The following PEAK1 variants were observed in gnomAD, a reference collection of about 807,000 sequenced individuals.
PEAK1 encodes the protein pseudopodium enriched atypical kinase 1.
In PEAK1, 54 loss-of-function variants were observed where a neutral mutation model predicts 124.7. The ratio of observed to expected loss-of-function variants is 0.43; its 90% CI spans 0.35 to 0.54. The LOEUF is 0.54. Ranked by LOEUF, PEAK1 falls within the 20% of genes least tolerant of loss-of-function variation. The probability of loss-of-function intolerance (pLI) is 0.01; values close to 1 mark genes in which losing one functional copy is unlikely to be tolerated. For synonymous variants in PEAK1, 719 were observed against 760.0 expected, an observed-to-expected ratio of 0.95 and a Z score of 0.89; for missense variants, 2,046 against 2,134.5, an observed-to-expected ratio of 0.96 and a Z score of 0.82.
chr15:77,304,111 T>C (rs2063935649), intron 2 of PEAK1, among the ~76,000 whole-genome samples: 1 of 152,234 alleles, frequency 6.6e-6, no homozygotes, highest in Non-Finnish European at 1.5e-5. Flanking sequence ...AGCCAGGTAG[T>C]GTGAGTACTA....
At position 77,158,503 on chromosome 15, in the gene PEAK1, C is replaced by T; in HGVS notation, c.3331G>A (p.Gly1111Arg). The T allele has an allele frequency of 1.2e-6, 2 of 1,613,302 alleles. No individual in the cohort carries two copies. The highest frequency in any genetic ancestry group is 1.7e-6 in the Non-Finnish European group (2 of 1,179,312). Residue 1111 changes from glycine (G) to arginine (R), a missense_variant and splice_region_variant, in exon 8 of 10, where the codon GGG becomes AGG. By Grantham distance (125) the Gly-to-Arg change is moderately radical. Transcript: ENST00000682557. Reference sequence around the variant, plus strand: ...CTACTTATTGGACATTTGCACTTACCTAAGTTGCTGTATGTTGCACTACAA... The same window carrying T: ...CTACTTATTGGACATTTGCACTTACTTAAGTTGCTGTATGTTGCACTACAA... Reference protein sequence around the residue: ...NPCSATYSNLGQSRAAMIPPK... With the variant: ...NPCSATYSNLRQSRAAMIPPK...
chr15:77,321,994 T>G (rs1381882738), intron 2 of PEAK1, among the ~76,000 whole-genome samples: 1 of 152,186 alleles, frequency 6.6e-6, no homozygotes, highest in Non-Finnish European at 1.5e-5. Context: ...ACCGCTCGAC[T>G]ACATGGAAAC....
chr15:77,171,195 T>C (rs997442677), intron 7 of PEAK1, among the ~76,000 whole-genome samples: 3 of 152,354 alleles, frequency 2.0e-5, no homozygotes, highest in African/African-American at 7.2e-5. Flanking sequence ...ATTTACAGCC[T>C]GTCTCAGCAC....
At chr15:77,201,195 C>A (rs2152845460) in intron 6 of PEAK1, among the ~76,000 whole-genome samples, 1 of 151,060 alleles carries the variant, frequency 6.6e-6, no homozygotes, top group South Asian at 2.1e-4. Flanking sequence ...ATATATCAAC[C>A]CTTAGTTTTA....
chr15:77,227,455 T>C (rs1477224881), intron 6 of PEAK1, among the ~76,000 whole-genome samples: 1 of 152,136 alleles, frequency 6.6e-6, no homozygotes, highest in African/African-American at 2.4e-5. Flanking sequence ...AGAGCAATAT[T>C]GCTCTAATAT....
chr15:77,204,963 A>G, intron 6 of PEAK1: 1 of 188,760 alleles, frequency 5.3e-6, no homozygotes, highest in Non-Finnish European at 1.1e-5. Context: ...AAAAGGGAAA[A>G]GGGGAACAAA....
intron 6 of PEAK1, chr15:77,205,190 T>G (rs1255102841): frequency 3.7e-6 from 1 of 270,304 alleles, no homozygotes; most frequent in Non-Finnish European, 6.9e-6. Context: ...TAAGTGCAAG[T>G]TTTTTTAGTA....
intron 8 of PEAK1, among the ~76,000 whole-genome samples, chr15:77,141,397 A>G (rs2053772826): frequency 6.6e-6 from 1 of 152,166 alleles, no homozygotes; most frequent in Non-Finnish European, 1.5e-5. Context: ...CTAAAAAGCA[A>G]ATGGAAAGAT....
At position 77,257,669 on chromosome 15, in the gene PEAK1, T is replaced by C. The variant is rs1381035919; in HGVS notation, c.-274-5143A>G. On this transcript the variant is annotated intron_variant, in intron 5 of 9. Transcript: ENST00000682557. ...TAGGTTGCAAAAATTCTCTCCCATT[T>C]TGTAGGTTGCCTGTTCACTCTGATG... Among the ~76,000 whole-genome samples, 16 of 151,800 alleles carry C rather than the reference T, an allele frequency of 1.1e-4. No individual in the cohort carries two copies. The South Asian group carries it at 3.1e-3, about 30-fold the overall frequency.
rs1391826945 is a variant in PEAK1 at position 77,181,354 on chromosome 15, C to T, written c.573G>A (p.Lys191=). The T allele has an allele frequency of 6.2e-7, 1 of 1,614,028 alleles. No individual in the cohort carries two copies. Among genetic ancestry groups the T allele is most frequent in the African/African-American group, 1.3e-5 (1 of 74,926 alleles). ...NDCYKRSLER[K]LPPSCMIGGI... is the part of the protein sequence containing the mutation. ...CACCTATCATGCAACTTGGTGGAAG[C>T]TTTCTTTCCAATGATCGTTTATAGC... is the stretch of plus-strand genomic sequence containing the variant. The change falls in exon 7 of 10, where the codon AAG becomes AAA. Residue 191 remains lysine (K), a synonymous_variant. Transcript: ENST00000682557.
At chr15:77,146,487 G>A (rs1011454332) in intron 8 of PEAK1, among the ~76,000 whole-genome samples, 4 of 152,160 alleles carry the variant, frequency 2.6e-5, no homozygotes, top group African/African-American at 9.7e-5. Flanking sequence ...CAAAAACAGA[G>A]ATTATTTTTT....
At chr15:77,310,261 T>G (rs912750197) in intron 2 of PEAK1, among the ~76,000 whole-genome samples, 4 of 152,142 alleles carry the variant, frequency 2.6e-5, no homozygotes, top group African/African-American at 9.7e-5. Flanking sequence ...CATACAAAAG[T>G]TTGAACTAAT....
intron 4 of PEAK1, 130 bp from the exon 5 acceptor site, chr15:77,284,160 T>C: frequency 3.4e-6 from 1 of 297,008 alleles, no homozygotes; most frequent in Non-Finnish European, 5.0e-6. Flanking sequence ...AAGAGTATGG[T>C]GATGAGGCTC....
chr15:77,414,200 T>TCTTTCCTTCCTTTCCTTCTGTCTTTCC (rs2072669519), intron 1 of PEAK1, among the ~76,000 whole-genome samples: 1 of 147,854 alleles, frequency 6.8e-6, no homozygotes, highest in Non-Finnish European at 1.5e-5. Context: ...TCCTTCCTTC[T>TCTTTCCTTCCTTTCCTTCTGTCTTTCC]TTCCTTCTTT....
At chr15:77,326,055 T>C (rs2065557523) in intron 2 of PEAK1, among the ~76,000 whole-genome samples, 1 of 152,172 alleles carries the variant, frequency 6.6e-6, no homozygotes, top group Admixed American at 6.5e-5. Context: ...TACTAAATGT[T>C]CTAAATTGTA....
chr15:77,179,087 C>T lies in PEAK1; in HGVS notation c.2840G>A (p.Arg947Gln), dbSNP rs200252401. 56 of 1,614,156 alleles carry T rather than the reference C, an allele frequency of 3.5e-5. 1 individual carries two copies. In the East Asian group the frequency reaches 4.5e-4, roughly 13 times the overall value. The change falls in exon 7 of 10, where the codon CGA becomes CAA. Residue 947 changes from arginine to glutamine, a missense_variant. Physicochemically the swap from Arg to Gln is conservative, Grantham distance 43. Coordinates refer to ENST00000682557, the MANE Select transcript of PEAK1 (RefSeq NM_001385026.1). ...CAGGCCCACCAGTTTCCCTTTCTCT[C>T]GCTCTTTCTCTTTGTCATCCTCCTC... ...TDEEDDKEKE[R>Q]EKGKLVGLDG...
intron 2 of PEAK1, among the ~76,000 whole-genome samples, chr15:77,288,192 C>T (rs1450842471): frequency 6.6e-6 from 1 of 152,096 alleles, no homozygotes; most frequent in Non-Finnish European, 1.5e-5. Flanking sequence ...AATAAATGTC[C>T]AAGTATGACA....
intron 1 of PEAK1, among the ~76,000 whole-genome samples, chr15:77,378,403 G>A (rs983063444): frequency 1.3e-5 from 2 of 151,952 alleles, no homozygotes; most frequent in African/African-American, 4.8e-5. Flanking sequence ...TCAAAAATTC[G>A]TGCTTCTTAC....
Position 77,171,689 on chromosome 15 carries a change from T to C in PEAK1, c.3137+7101A>G, listed in dbSNP as rs2056520661. On this transcript the variant is annotated intron_variant, in intron 7 of 9. Transcript: ENST00000682557. ...TAGCTAGAAGGAGGATACTGAATGT[T>C]GCCAACATGAAGAAATGATAAATGT... Among the ~76,000 whole-genome samples, 3 of 152,178 alleles carry C rather than the reference T, an allele frequency of 2.0e-5. No homozygotes were observed. The South Asian group carries it at 6.2e-4, about 31-fold the overall frequency.
Sources: allele counts gnomAD v4.1 joint callset (sites outside exome capture counted in the v4.1 genomes callset), GRCh38; gene constraint gnomAD v4.1.1; transcripts MANE v1.5; gene names NCBI Gene and HGNC (gene_info 2026-07-23, HGNC 2026-07-21).